The following SYT1 variants were observed in gnomAD, a reference collection of about 807,000 sequenced individuals.
The protein encoded by SYT1 is synaptotagmin 1.
In SYT1, 8 loss-of-function variants were observed where a neutral mutation model predicts 44.8. That is an observed-to-expected ratio of 0.18 (90% confidence interval 0.10 to 0.32). SYT1 has a LOEUF of 0.32. Among genes scored for constraint, SYT1 ranks in the 10% least tolerant of loss-of-function variants. The pLI is 1.00. For missense variants in SYT1, 286 were observed against 509.3 expected (o/e 0.56, Z 4.22); for synonymous variants, 154 against 188.8 (o/e 0.82, Z 1.51).
intron 8 of SYT1, among the ~76,000 whole-genome samples, chr12:79,320,822 C>T (rs1344975368): frequency 6.6e-6 from 1 of 151,812 alleles, no homozygotes; most frequent in Non-Finnish European, 1.5e-5. Context: ...GGGGTTTCAC[C>T]ATGTTGGCCA....
chr12:79,292,176 A>G (rs368130352), intron 6 of SYT1, 46 bp downstream of exon 6: 202 of 1,580,980 alleles, frequency 1.3e-4, no homozygotes, highest in Non-Finnish European at 1.7e-4. Flanking sequence ...ATTTTCTGAA[A>G]TTACCAAGTA....
At chr12:78,897,508 C>G (rs561742160) in intron 1 of SYT1, among the ~76,000 whole-genome samples, 2 of 151,778 alleles carry the variant, frequency 1.3e-5, no homozygotes, top group African/African-American at 4.8e-5. Context: ...AATGACAGCC[C>G]GAGACTGTTG....
At chr12:79,203,824 C>T (rs1873939957) in intron 3 of SYT1, among the ~76,000 whole-genome samples, 4 of 152,170 alleles carry the variant, frequency 2.6e-5, no homozygotes, top group Admixed American at 6.5e-5. Flanking sequence ...GGGGAGAAGT[C>T]TCCTGTAATT....
intron 3 of SYT1, among the ~76,000 whole-genome samples, chr12:79,068,298 A>T (rs1237847666): frequency 2.0e-5 from 3 of 152,174 alleles, no homozygotes; most frequent in Non-Finnish European, 4.4e-5. Flanking sequence ...AAGCTGTCTA[A>T]AATAATTAAT....
intron 9 of SYT1, among the ~76,000 whole-genome samples, chr12:79,442,702 G>A (rs547606361): frequency 6.6e-6 from 1 of 152,068 alleles, no homozygotes; most frequent in African/African-American, 2.4e-5. Context: ...TAGGAATTAT[G>A]TTCTACTGGG....
chr12:79,302,651 C>T (rs538991686), intron 8 of SYT1, among the ~76,000 whole-genome samples: 3 of 152,038 alleles, frequency 2.0e-5, no homozygotes, highest in Non-Finnish European at 4.4e-5. Flanking sequence ...ATTCTATCCC[C>T]AGGTGGAAAC....
intron 4 of SYT1, among the ~76,000 whole-genome samples, chr12:79,229,592 TTTTA>T (rs1484991414): frequency 1.5e-5 from 1 of 68,880 alleles, no homozygotes; most frequent in African/African-American, 7.7e-5. Context: ...TTTTTTTATT[TTTTA>T]TTTTTTTATT....
intron 9 of SYT1, among the ~76,000 whole-genome samples, chr12:79,396,989 A>G: frequency 6.6e-6 from 1 of 152,228 alleles, no homozygotes; most frequent in East Asian, 1.9e-4. Context: ...ATGAAAACCT[A>G]GAGGAAGAGG....
chr12:79,343,537 A>C (rs1244620476), intron 8 of SYT1, among the ~76,000 whole-genome samples: 3 of 152,252 alleles, frequency 2.0e-5, no homozygotes, highest in Non-Finnish European at 4.4e-5. Context: ...AATAAGAAGC[A>C]GACTTGGGAA....
intron 1 of SYT1, among the ~76,000 whole-genome samples, chr12:78,899,639 A>G (rs1314036413): frequency 2.0e-5 from 3 of 151,948 alleles, no homozygotes; most frequent in Non-Finnish European, 4.4e-5. Flanking sequence ...TTATTCAAGA[A>G]AGTTTTCTCT....
intron 1 of SYT1, among the ~76,000 whole-genome samples, chr12:78,904,902 T>A (rs1362293142): frequency 6.6e-6 from 1 of 152,186 alleles, no homozygotes; most frequent in East Asian, 1.9e-4. Flanking sequence ...TTAAATAGAA[T>A]CAACTTTCAC....
At chr12:79,115,659 T>C (rs1879237840) in intron 3 of SYT1, among the ~76,000 whole-genome samples, 1 of 152,170 alleles carries the variant, frequency 6.6e-6, no homozygotes, top group African/African-American at 2.4e-5. Context: ...ACAGAAACCA[T>C]AAAGTAAGCA....
chr12:79,434,611 A>G (rs979242267), intron 9 of SYT1, among the ~76,000 whole-genome samples: 2 of 152,204 alleles, frequency 1.3e-5, no homozygotes, highest in Admixed American at 6.5e-5. Flanking sequence ...GTTGGCAAAG[A>G]AACTCTGAAT....
chr12:79,173,421 G>T (rs926033495), intron 3 of SYT1, among the ~76,000 whole-genome samples: 1 of 152,044 alleles, frequency 6.6e-6, no homozygotes, highest in African/African-American at 2.4e-5. Flanking sequence ...GCCCCACCTG[G>T]GCAAGATGGA....
intron 5 of SYT1, among the ~76,000 whole-genome samples, chr12:79,288,239 T>C (rs112066138): frequency 0.099 from 15,049 of 152,118 alleles, 1,037 homozygotes; most frequent in Non-Finnish European, 0.14. Flanking sequence ...GATCGCCAGA[T>C]CACCCAAAAT....
intron 9 of SYT1, among the ~76,000 whole-genome samples, chr12:79,361,434 C>T (rs1300788666): frequency 6.6e-6 from 1 of 152,108 alleles, no homozygotes; most frequent in Non-Finnish European, 1.5e-5. Context: ...GCAGGTTCAA[C>T]CTGGAGAACA....
At chr12:79,101,493 A>G (rs1878442641) in intron 3 of SYT1, among the ~76,000 whole-genome samples, 1 of 152,202 alleles carries the variant, frequency 6.6e-6, no homozygotes, top group African/African-American at 2.4e-5. Context: ...TATACAAGGT[A>G]CAAAGTTTTA....
intron 9 of SYT1, among the ~76,000 whole-genome samples, chr12:79,377,997 T>C (rs1021002667): frequency 1.3e-5 from 2 of 152,222 alleles, no homozygotes; most frequent in Non-Finnish European, 2.9e-5. Flanking sequence ...TTTCTCATAT[T>C]TATCACTCCC....
intron 9 of SYT1, among the ~76,000 whole-genome samples, chr12:79,405,204 GA>G (rs1269033422): frequency 1.3e-5 from 2 of 152,112 alleles, no homozygotes; most frequent in Admixed American, 1.3e-4. Flanking sequence ...TTGATCAAAT[GA>G]AATCTGCAAA....
Sources: gnomAD v4.1 joint callset for allele counts (sites outside exome capture counted in the v4.1 genomes callset) on GRCh38, gnomAD v4.1.1 for gene constraint, MANE v1.5 for transcripts, NCBI Gene and HGNC (gene_info 2026-07-23, HGNC 2026-07-21) for gene names.